ROBO2: variants seen among roughly 807,000 people sequenced by gnomAD.
ROBO2 encodes roundabout guidance receptor 2, also known as roundabout homolog 2.
ROBO2 carries 53 observed loss-of-function variants against 160.8 expected under a neutral mutation model. The observed-to-expected ratio is 0.33, with a 90% confidence interval of 0.26 to 0.41. The LOEUF is 0.41. Among genes scored for constraint, ROBO2 ranks in the 10% least tolerant of loss-of-function variants. The pLI is 1.00. For missense variants in ROBO2, 1,577 were observed against 1,722.4 expected, an observed-to-expected ratio of 0.92 and a Z score of 1.49; for synonymous variants, 664 against 611.7, an observed-to-expected ratio of 1.09 and a Z score of -1.26.
chr3:76,468,847 C>T (rs2078498462), intron 2 of ROBO2, among the ~76,000 whole-genome samples: 1 of 152,072 alleles, frequency 6.6e-6, no homozygotes, highest in African/African-American at 2.4e-5. Flanking sequence ...TCGCCCTCTA[C>T]CTAGACAAAC....
intron 13 of ROBO2, among the ~76,000 whole-genome samples, chr3:77,571,970 G>A (rs112312722): frequency 0.016 from 2,417 of 151,094 alleles, 69 homozygotes; most frequent in African/African-American, 0.056. Context: ...AGCCCCATAC[G>A]ATATACTGGC....
chr3:77,134,672 T>G (rs2076133277), intron 2 of ROBO2, among the ~76,000 whole-genome samples: 1 of 152,180 alleles, frequency 6.6e-6, no homozygotes, highest in Admixed American at 6.5e-5. Flanking sequence ...CACCTATGTC[T>G]CAGTCTATTC....
At chr3:76,818,818 G>A (rs550744513) in intron 2 of ROBO2, among the ~76,000 whole-genome samples, 37 of 152,072 alleles carry the variant, frequency 2.4e-4, no homozygotes, top group African/African-American at 8.9e-4. Context: ...TGGCCCATGT[G>A]CCTATTTTTA....
chr3:76,433,454 C>T (rs1415514245), intron 2 of ROBO2, among the ~76,000 whole-genome samples: 2 of 152,000 alleles, frequency 1.3e-5, no homozygotes, highest in Non-Finnish European at 2.9e-5. Flanking sequence ...GCAACCTTAC[C>T]TTAAATAGCT....
At chr3:77,357,990 C>A (rs1560613296) in intron 2 of ROBO2, among the ~76,000 whole-genome samples, 1 of 152,106 alleles carries the variant, frequency 6.6e-6, no homozygotes, top group Non-Finnish European at 1.5e-5. Context: ...AGTGTCTTCT[C>A]AGGAAGATCC....
intron 2 of ROBO2, among the ~76,000 whole-genome samples, chr3:77,241,384 G>T (rs1362274044): frequency 6.6e-6 from 1 of 152,018 alleles, no homozygotes; most frequent in East Asian, 1.9e-4. Flanking sequence ...CTTTTTATTT[G>T]TAAGTTTGAC....
At chr3:76,297,141 G>A (rs1055248585) in intron 2 of ROBO2, among the ~76,000 whole-genome samples, 7 of 152,164 alleles carry the variant, frequency 4.6e-5, no homozygotes, top group Non-Finnish European at 1.0e-4. Flanking sequence ...TATATGGGCT[G>A]ATCTCAACTA....
chr3:76,587,771 T>A (rs1329187020), intron 2 of ROBO2, among the ~76,000 whole-genome samples: 13 of 152,184 alleles, frequency 8.5e-5, no homozygotes, highest in Non-Finnish European at 1.9e-4. Context: ...CAGAAAATAT[T>A]TTTCTCCAAG....
chr3:76,126,136 G>A lies in ROBO2; in HGVS notation c.109+188534G>A, dbSNP rs75939658. Among the ~76,000 whole-genome samples the A allele has an allele frequency of 6.3e-3, 958 of 152,186 alleles. 11 individuals are homozygous for A. The highest frequency in any genetic ancestry group is 0.03 in the Admixed American group (452 of 15,288). On this transcript the variant is annotated intron_variant, in intron 2 of 26. Transcript: ENST00000487694. Reference sequence around the variant, plus strand: ...GCCTGCATCAAAATAATTTTAAAGGGGAAAAATAGCATTGTCAGTATTTGG... The same window carrying A: ...GCCTGCATCAAAATAATTTTAAAGGAGAAAAATAGCATTGTCAGTATTTGG...
chr3:76,077,110 A>G (rs1394412250), intron 2 of ROBO2, among the ~76,000 whole-genome samples: 2 of 152,232 alleles, frequency 1.3e-5, no homozygotes, highest in East Asian at 3.8e-4. Flanking sequence ...TCACTCGTAC[A>G]CAATAAATGC....
At chr3:76,170,710 A>G (rs1367209783) in intron 2 of ROBO2, among the ~76,000 whole-genome samples, 1 of 152,210 alleles carries the variant, frequency 6.6e-6, no homozygotes, top group Non-Finnish European at 1.5e-5. Context: ...GCTGTAAAGA[A>G]TGAAATCTTA....
intron 2 of ROBO2, among the ~76,000 whole-genome samples, chr3:77,333,167 T>C (rs973814324): frequency 3.3e-5 from 5 of 152,204 alleles, no homozygotes; most frequent in African/African-American, 7.2e-5. Context: ...ATAGATTTAG[T>C]TGAAGCTTGG....
At chr3:77,310,086 A>T (rs1031291516) in intron 2 of ROBO2, among the ~76,000 whole-genome samples, 38 of 152,140 alleles carry the variant, frequency 2.5e-4, no homozygotes, top group African/African-American at 8.7e-4. Context: ...TCAAAGTTAG[A>T]TCCCCTCCTA....
At chr3:75,934,566 A>G (rs935125776) in intron 1 of ROBO2, among the ~76,000 whole-genome samples, 58 of 152,168 alleles carry the variant, frequency 3.8e-4, no homozygotes, top group Non-Finnish European at 8.8e-5. Context: ...GTTAGTTAGA[A>G]GGTTATGATT....
chr3:76,766,615 C>G (rs1198951698), intron 2 of ROBO2, among the ~76,000 whole-genome samples: 3 of 151,572 alleles, frequency 2.0e-5, no homozygotes, highest in African/African-American at 4.8e-5. Context: ...ACACATTTTC[C>G]TACTGTGGAC....
chr3:77,219,768 A>G (rs941579679), intron 2 of ROBO2, among the ~76,000 whole-genome samples: 7 of 151,476 alleles, frequency 4.6e-5, no homozygotes, highest in Admixed American at 4.0e-4. Flanking sequence ...TGCTTTGCAA[A>G]TGTTAGCCCT....
intron 2 of ROBO2, among the ~76,000 whole-genome samples, chr3:76,556,820 C>T (rs111248830): frequency 1.1e-4 from 16 of 151,970 alleles, no homozygotes; most frequent in African/African-American, 1.7e-4. Context: ...GCAAATAACA[C>T]GTAAAAAATA....
intron 2 of ROBO2, among the ~76,000 whole-genome samples, chr3:77,153,894 C>A (rs914052865): frequency 6.6e-6 from 1 of 152,010 alleles, no homozygotes; most frequent in Non-Finnish European, 1.5e-5. Context: ...AAGACAATCA[C>A]CTCTCATAAA....
At chr3:76,054,612 A>T (rs765426582) in intron 2 of ROBO2, among the ~76,000 whole-genome samples, 8 of 152,218 alleles carry the variant, frequency 5.3e-5, no homozygotes, top group Non-Finnish European at 7.3e-5. Flanking sequence ...CATGGACATA[A>T]ACATAGAGAT....
Sources: allele counts gnomAD v4.1 joint callset (sites outside exome capture counted in the v4.1 genomes callset), GRCh38; gene constraint gnomAD v4.1.1; transcripts MANE v1.5; gene names NCBI Gene and HGNC (gene_info 2026-07-23, HGNC 2026-07-21).